The following RADIL variants were observed in gnomAD, a reference collection of about 807,000 sequenced individuals.
RADIL encodes ras-associating and dilute domain-containing protein.
A neutral mutation model predicts 97.6 loss-of-function variants in RADIL; 99 were observed. The observed-to-expected ratio is 1.01, with a 90% CI of 0.86 to 1.20. The LOEUF is 1.20. RADIL is among the 50% of genes most tolerant of loss of function. The pLI is 0.00. For missense variants in RADIL, 1,765 were observed against 1,498.9 expected (o/e 1.18, Z -2.93); for synonymous variants, 803 against 691.8 (o/e 1.16, Z -2.52).
rs532517293 is a variant in RADIL, at chr7:4,834,927, C to G, written c.1096G>C (p.Ala366Pro). 1.9e-6 allele frequency: 3 copies of G among 1,574,956 alleles called. No individual in the cohort carries two copies. Among genetic ancestry groups the G allele is most frequent in the Admixed American group, 1.8e-5 (1 of 55,890 alleles). The change falls in exon 4 of 15, where the codon GCC (alanine) becomes CCC (proline). Residue 366 changes from alanine (A) to proline (P), a missense_variant. Transcript: ENST00000399583. This position sits in a 1 kb window ranked among gnomAD's most constrained non-coding sequence, Gnocchi z 6.0. Reference protein sequence around the residue: ...KDPAQAQPLPARALARLRAVP... With the variant: ...KDPAQAQPLPPRALARLRAVP... The stretch of plus-strand genomic sequence containing the variant: ...GCCCGGAGGCGCGCCAAGGCCCGGG[C>G]GGGCAGGGGCTGGGCCTGCGCGGGG...
At chr7:4,832,295 G>C (rs959430982) in intron 4 of RADIL, 117 bp from the exon 5 acceptor site, 2 of 968,244 alleles carry the variant, frequency 2.1e-6, no homozygotes, top group Non-Finnish European at 3.2e-6. Context: ...GGCATCCTGT[G>C]TGACGCTGAC....
chr7:4,860,878 G>A (rs1562454297), intron 2 of RADIL: 5 of 1,613,816 alleles, frequency 3.1e-6, no homozygotes, highest in East Asian at 2.2e-5. Flanking sequence ...GCATAAGATG[G>A]TACCTATCAC....
chr7:4,800,069 T>G, intron 13 of RADIL, 102 bp downstream of exon 13: 1 of 1,428,942 alleles, frequency 7.0e-7, no homozygotes, highest in East Asian at 2.4e-5. Context: ...CCCGAAGGCC[T>G]TCCTGTAGCC....
At chr7:4,882,712 T>C (rs1042364604) in intron 1 of RADIL, among the ~76,000 whole-genome samples, 3 of 152,216 alleles carry the variant, frequency 2.0e-5, no homozygotes, top group African/African-American at 7.2e-5. Flanking sequence ...CGCTTTCAAA[T>C]GCAAACATAA....
At position 4,834,593 on chromosome 7, in the gene RADIL, CCCAGCACACTGACCCAGACAGTCT is replaced by C; in HGVS notation, c.1406_1416+13del. The C allele has an allele frequency of 7.6e-7, 1 of 1,323,132 alleles. No homozygotes were observed. Among genetic ancestry groups the C allele is most frequent in the Non-Finnish European group, 9.7e-7 (1 of 1,030,052 alleles). The allele number at this position is 1,323,132 out of a possible 1,614,324, so 82.0% of individuals were successfully genotyped here. A position where few individuals can be genotyped will look rare whatever the true frequency, so the allele number is the denominator to read the frequency against. ...CCGGCACAGGACCCAGACCGCCCACCCCAGCACACTGACCCAGACAGTCTCGCGGATCAGCCTGGCTATCTTGAG... is the reference window on the plus strand; with the variant it reads ...CCGGCACAGGACCCAGACCGCCCACCCGCGGATCAGCCTGGCTATCTTGAG... On this transcript the variant is annotated splice_donor_variant and splice_donor_5th_base_variant and coding_sequence_variant and intron_variant, in exon 4 of 15. Coordinates refer to ENST00000399583, the MANE Select transcript of RADIL (RefSeq NM_018059.5). LOFTEE classifies it high-confidence loss of function. This position sits in a 1 kb window ranked among gnomAD's most constrained non-coding sequence, Gnocchi z 6.0.
intron 2 of RADIL, among the ~76,000 whole-genome samples, chr7:4,863,599 T>G (rs533973756): frequency 1.3e-5 from 2 of 152,386 alleles, no homozygotes; most frequent in Non-Finnish European, 2.9e-5. Flanking sequence ...GGTGCAACTT[T>G]GAACCCCAAA....
At chr7:4,855,103 C>T (rs74553994) in intron 2 of RADIL, among the ~76,000 whole-genome samples, 2,619 of 152,314 alleles carry the variant, frequency 0.017, 31 homozygotes, top group Middle Eastern at 0.044. Flanking sequence ...ACGCAGGCAG[C>T]TACGGTCTAA....
At chr7:4,802,078 A>G in intron 11 of RADIL, 83 bp from the exon 12 acceptor site, 1 of 1,222,370 alleles carries the variant, frequency 8.2e-7, no homozygotes, top group Non-Finnish European at 1.1e-6. Flanking sequence ...CCTGCAGCAG[A>G]AGGGCCGCCA....
chr7:4,882,905 A>G (rs575650147), intron 1 of RADIL, among the ~76,000 whole-genome samples: 3,466 of 152,294 alleles, frequency 0.023, 135 homozygotes, highest in African/African-American at 0.08. Context: ...TTGACAGGCG[A>G]CAGGGCAGGG....
chr7:4,820,316 G>A (rs141080201), intron 6 of RADIL, among the ~76,000 whole-genome samples: 1 of 152,226 alleles, frequency 6.6e-6, no homozygotes, highest in African/African-American at 2.4e-5. Flanking sequence ...GGGAGCCCAG[G>A]AGCCCCAGGG....
intron 9 of RADIL, among the ~76,000 whole-genome samples, chr7:4,806,483 G>C (rs561359412): frequency 6.6e-6 from 1 of 152,164 alleles, no homozygotes; most frequent in Admixed American, 6.5e-5. Flanking sequence ...CACTGGCTCC[G>C]GCCCAGGAAA....
Position 4,816,255 on chromosome 7 carries a change from G to A in RADIL, c.1939C>T (p.Leu647=). The A allele has an allele frequency of 6.2e-7, 1 of 1,612,334 alleles. No individual in the cohort carries two copies. Among genetic ancestry groups the A allele is most frequent in the South Asian group, 1.1e-5 (1 of 91,050 alleles). Residue 647 remains leucine (L), a synonymous_variant, in exon 8 of 15, where the codon CTG becomes TTG. Coordinates refer to ENST00000399583, the MANE Select transcript of RADIL (RefSeq NM_018059.5). ...CTGTCGAGGAGCTGGTTGAGAAGCAGTGTCCCGGAGAAGAAGAAGAGGTAG... is the reference window on the plus strand; with the variant it reads ...CTGTCGAGGAGCTGGTTGAGAAGCAATGTCCCGGAGAAGAAGAAGAGGTAG... ...LAYLFFFSGT[L]LLNQLLDRGP... is the part of the protein sequence containing the mutation.
At chr7:4,809,099 A>T (rs1050604284) in intron 9 of RADIL, 42 of 981,292 alleles carry the variant, frequency 4.3e-5, no homozygotes, top group Non-Finnish European at 5.1e-5. Flanking sequence ...CGCTCTGCTC[A>T]GGATGCGGGG....
At chr7:4,853,206 C>A (rs1022036350) in intron 2 of RADIL, among the ~76,000 whole-genome samples, 1 of 152,092 alleles carries the variant, frequency 6.6e-6, no homozygotes, top group African/African-American at 2.4e-5. Flanking sequence ...TTGCATAACC[C>A]GCCCTCCAAC....
chr7:4,851,795 C>G (rs931058703), intron 2 of RADIL, among the ~76,000 whole-genome samples: 2 of 152,142 alleles, frequency 1.3e-5, no homozygotes, highest in African/African-American at 2.4e-5. Flanking sequence ...AAATGCGCAG[C>G]CTTCCCAGAT....
chr7:4,834,938 T>C lies in RADIL; in HGVS notation c.1085A>G (p.Gln362Arg), dbSNP rs745688020. 40 of 1,596,346 alleles carry C rather than the reference T, an allele frequency of 2.5e-5. No individual in the cohort carries two copies. In the Middle Eastern group the frequency reaches 5.0e-4, roughly 20 times the overall value. ...LLLFKDPAQA[Q>R]PLPARALARL... Reference sequence around the variant, plus strand: ...CGCCAAGGCCCGGGCGGGCAGGGGCTGGGCCTGCGCGGGGTCCTTGAATAG... The same window carrying C: ...CGCCAAGGCCCGGGCGGGCAGGGGCCGGGCCTGCGCGGGGTCCTTGAATAG... Residue 362 changes from glutamine (Q) to arginine (R), a missense_variant, in exon 4 of 15, where the codon CAG becomes CGG. By Grantham distance (43) the Gln-to-Arg change is conservative. Transcript: ENST00000399583. The surrounding 1 kb of genome is among the most constrained non-coding windows in gnomAD (Gnocchi z 6.0).
intron 9 of RADIL, 82 bp from the exon 10 acceptor site, chr7:4,805,798 C>T: frequency 6.6e-7 from 1 of 1,514,402 alleles, no homozygotes; most frequent in Admixed American, 2.0e-5. Context: ...CACAGGTGGC[C>T]TGGGGGTAGC....
rs1400291026 is a variant in RADIL at position 4,883,669 on chromosome 7, A to T, written c.-138T>A. 1.3e-5 allele frequency: 2 copies of T among 151,730 alleles called. No individual in the cohort carries two copies. The highest frequency in any genetic ancestry group is 2.9e-5 in the Non-Finnish European group (2 of 67,976). 9.4% of individuals were successfully genotyped at this position (151,730 alleles called of 1,614,324 possible). On this transcript the variant is annotated 5_prime_UTR_variant, in exon 1 of 15. Transcript: ENST00000399583. The surrounding 1 kb of genome is among the most constrained non-coding windows in gnomAD (Gnocchi z 7.1). ...GCCGTTGGCTGGGGCCGGCGCCCAGACCCGCGCGTGCCGCGGCGCCTCCTG... is the reference window on the plus strand; with the variant it reads ...GCCGTTGGCTGGGGCCGGCGCCCAGTCCCGCGCGTGCCGCGGCGCCTCCTG...
chr7:4,883,054 C>T lies in RADIL; in HGVS notation c.-65+542G>A, dbSNP rs899279253. Among the ~76,000 whole-genome samples the T allele has an allele frequency of 1.3e-5, 2 of 151,914 alleles. No homozygotes were observed. Among genetic ancestry groups the T allele is most frequent in the African/African-American group, 2.4e-5 (1 of 41,192 alleles). On this transcript the variant is annotated intron_variant, in intron 1 of 14. Coordinates refer to ENST00000399583, the MANE Select transcript of RADIL (RefSeq NM_018059.5). The surrounding 1 kb of genome is among the most constrained non-coding windows in gnomAD (Gnocchi z 7.1). ...GGGCTGGAAATGGTACATAAATAGC[C>T]GGGAAACAATGCTTTGAGCTGGCGC...
Sources: gnomAD v4.1 joint callset for allele counts (sites outside exome capture counted in the v4.1 genomes callset) on GRCh38, gnomAD v4.1.1 for gene constraint, Gnocchi (gnomAD v3.1) non-coding constraint, MANE v1.5 for transcripts, NCBI Gene and HGNC (gene_info 2026-07-23, HGNC 2026-07-21) for gene names.